NAALADL2: variants seen among roughly 807,000 people sequenced by gnomAD.
The protein encoded by NAALADL2 is N-acetylated alpha-linked acidic dipeptidase like 2, also known as inactive N-acetylated-alpha-linked acidic dipeptidase-like protein 2.
In NAALADL2, 76 loss-of-function variants were observed where a neutral mutation model predicts 87.2. The ratio of observed to expected loss-of-function variants is 0.87; its 90% CI spans 0.72 to 1.05. NAALADL2 has a LOEUF of 1.05. NAALADL2 is among the 50% of genes least tolerant of loss of function. The pLI is 0.00. For synonymous variants in NAALADL2, 354 were observed against 331.0 expected (o/e 1.07, Z -0.75); for missense variants, 1,089 against 945.8 (o/e 1.15, Z -1.99).
chr3:174,460,202 A>C (rs924062242), intron 1 of NAALADL2, among the ~76,000 whole-genome samples: 2 of 152,024 alleles, frequency 1.3e-5, no homozygotes, highest in Admixed American at 6.6e-5. Flanking sequence ...ATAAACCCTA[A>C]ATGTGTTTTG....
intron 9 of NAALADL2, among the ~76,000 whole-genome samples, chr3:175,472,145 T>C (rs559884893): frequency 2.3e-4 from 35 of 152,172 alleles, no homozygotes; most frequent in African/African-American, 7.9e-4. Context: ...ATGTGAGACC[T>C]GTCCTATCTT....
chr3:174,767,598 C>G (rs904636536), intron 3 of NAALADL2, among the ~76,000 whole-genome samples: 3 of 152,120 alleles, frequency 2.0e-5, no homozygotes, highest in African/African-American at 4.8e-5. Context: ...CTTACCCACG[C>G]CAGAAGGATT....
At chr3:175,069,095 G>A (rs1715080505) in intron 1 of NAALADL2, among the ~76,000 whole-genome samples, 1 of 151,666 alleles carries the variant, frequency 6.6e-6, no homozygotes, top group Non-Finnish European at 1.5e-5. Context: ...CAGGACATAG[G>A]CATGGGCAAG....
chr3:175,138,857 A>C (rs1729536979), intron 2 of NAALADL2, among the ~76,000 whole-genome samples: 2 of 144,428 alleles, frequency 1.4e-5, no homozygotes, highest in Non-Finnish European at 3.0e-5. Flanking sequence ...ATTGCACTAA[A>C]GAGCCAGAAA....
intron 11 of NAALADL2, among the ~76,000 whole-genome samples, chr3:175,690,947 T>C (rs1736956182): frequency 6.6e-6 from 1 of 151,888 alleles, no homozygotes; most frequent in Admixed American, 6.6e-5. Context: ...GTTGGTAATT[T>C]TTCAAGATCC....
chr3:174,912,501 C>A (rs538180852), intron 1 of NAALADL2, among the ~76,000 whole-genome samples: 1 of 152,064 alleles, frequency 6.6e-6, no homozygotes, highest in East Asian at 1.9e-4. Flanking sequence ...CCTAGGTAAC[C>A]AAAATGTGGT....
chr3:175,170,435 TATATATAA>T (rs1734636538), intron 2 of NAALADL2, among the ~76,000 whole-genome samples: 2 of 146,892 alleles, frequency 1.4e-5, no homozygotes, highest in African/African-American at 4.9e-5. Flanking sequence ...TTAAAATTTA[TATATATAA>T]ATATATAAAT....
chr3:175,314,700 A>ATATATATATATATATATAGTTCTAAC (rs1758901137), intron 4 of NAALADL2, among the ~76,000 whole-genome samples: 2 of 84,954 alleles, frequency 2.4e-5, no homozygotes, highest in African/African-American at 8.4e-5. Context: ...ATATATATAT[A>ATATATATATATATATATAGTTCTAAC]TATATATATA....
chr3:175,588,534 CTTTTTTTT>C (rs1168817019), intron 10 of NAALADL2, among the ~76,000 whole-genome samples: 2 of 78,144 alleles, frequency 2.6e-5, no homozygotes, highest in East Asian at 3.8e-4. Flanking sequence ...TCTTTCTTTT[CTTTTTTTT>C]TTTTTTTTTT....
At chr3:174,574,279 T>G (rs1208983917) in intron 2 of NAALADL2, among the ~76,000 whole-genome samples, 1 of 152,170 alleles carries the variant, frequency 6.6e-6, no homozygotes, top group Non-Finnish European at 1.5e-5. Flanking sequence ...TTTACTACTT[T>G]CATAATGTGT....
intron 1 of NAALADL2, among the ~76,000 whole-genome samples, chr3:175,062,298 AG>A (rs1713662643): frequency 6.6e-6 from 1 of 152,316 alleles, no homozygotes; most frequent in East Asian, 1.9e-4. Context: ...TCAAGGTCAC[AG>A]GCCTTGATAT....
At chr3:175,314,374 T>C (rs955602472) in intron 4 of NAALADL2, among the ~76,000 whole-genome samples, 2 of 151,136 alleles carry the variant, frequency 1.3e-5, no homozygotes, top group East Asian at 1.9e-4. Context: ...TCAAACTTCG[T>C]TGGGCTAGTC....
rs538033644 is a variant in NAALADL2 at position 174,656,544 on chromosome 3, C to T, written c.-114-81097C>T. On this transcript the variant is annotated intron_variant, in intron 2 of 3. Transcript: ENST00000434257. Reference sequence around the variant, plus strand: ...TGGTATTAGCAACTTAGAAGAAAATCCTGGAGACAAATGGAGCATTCTTTT... The same window carrying T: ...TGGTATTAGCAACTTAGAAGAAAATTCTGGAGACAAATGGAGCATTCTTTT... 2.0e-5 allele frequency among the ~76,000 whole-genome samples: 3 copies of T among 152,260 alleles called. No homozygotes were observed. The East Asian group carries it at 5.8e-4, about 29-fold the overall frequency.
chr3:175,764,455 T>A (rs760607154), intron 13 of NAALADL2, among the ~76,000 whole-genome samples: 3 of 151,386 alleles, frequency 2.0e-5, no homozygotes, highest in Non-Finnish European at 4.4e-5. Flanking sequence ...CACAGCAGGT[T>A]CATAACAAAG....
intron 1 of NAALADL2, among the ~76,000 whole-genome samples, chr3:175,094,531 A>G (rs1326854837): frequency 1.3e-5 from 2 of 151,886 alleles, no homozygotes; most frequent in African/African-American, 4.8e-5. Flanking sequence ...TTAACGTCAT[A>G]CGTTACTTCC....
chr3:175,278,332 A>C (rs1157394405), intron 4 of NAALADL2, among the ~76,000 whole-genome samples: 1 of 152,138 alleles, frequency 6.6e-6, no homozygotes, highest in East Asian at 1.9e-4. Flanking sequence ...CAATGGATGC[A>C]TCTAGTTGCA....
chr3:175,602,316 TAA>T (rs1723070930), intron 10 of NAALADL2, among the ~76,000 whole-genome samples: 2 of 152,090 alleles, frequency 1.3e-5, no homozygotes, highest in South Asian at 2.1e-4. Context: ...AATCACTAAT[TAA>T]TTTAAAACAT....
At position 175,199,846 on chromosome 3, in the gene NAALADL2, ATATATATATATATATATATTTTTTTTTTT is replaced by A. The variant is rs1458499762; in HGVS notation, c.546-34083_546-34055del. Among the ~76,000 whole-genome samples, 24 of 15,858 alleles carry A rather than the reference ATATATATATATATATATATTTTTTTTTTT, an allele frequency of 1.5e-3. 1 individual carries two copies. Among genetic ancestry groups the A allele is most frequent in the East Asian group, 4.0e-3 (2 of 504 alleles). 10.4% of individuals were successfully genotyped at this position (15,858 alleles called of 152,430 possible). A position where few individuals can be genotyped will look rare whatever the true frequency, so the allele number is the denominator to read the frequency against. ...TATATATATATATATATATATATATATATATATATATATATATATTTTTTTTTTTTTTTTTTTTTTTTTTTTCCTTAGTC... is the reference window on the plus strand; with the variant it reads ...TATATATATATATATATATATATATATTTTTTTTTTTTTTTTTCCTTAGTC... On this transcript the variant is annotated intron_variant, in intron 2 of 13. Transcript: ENST00000454872.
At chr3:175,484,514 A>G (rs564524171) in intron 9 of NAALADL2, among the ~76,000 whole-genome samples, 12 of 152,200 alleles carry the variant, frequency 7.9e-5, no homozygotes, top group Middle Eastern at 6.8e-3. Flanking sequence ...ACATAAGTCA[A>G]CTCACTTTCT....
Sources: allele counts gnomAD v4.1 joint callset (sites outside exome capture counted in the v4.1 genomes callset), GRCh38; gene constraint gnomAD v4.1.1; transcripts MANE v1.5; gene names NCBI Gene and HGNC (gene_info 2026-07-23, HGNC 2026-07-21).